Variants in EXOC6B observed in about 807,000 individuals in gnomAD.
EXOC6B encodes exocyst complex component 6B, also known as SEC15 homolog B.
A neutral mutation model predicts 113.5 loss-of-function variants in EXOC6B; 54 were observed. That is an observed-to-expected ratio of 0.48 (90% CI 0.38 to 0.60). EXOC6B has a LOEUF of 0.60. EXOC6B is among the 20% of genes least tolerant of loss of function. The probability of loss-of-function intolerance (pLI) is 0.00; values close to 1 mark genes in which losing one functional copy is unlikely to be tolerated. For missense variants in EXOC6B, 797 were observed against 977.5 expected, an observed-to-expected ratio of 0.82 and a Z score of 2.46; for synonymous variants, 357 against 339.0, an observed-to-expected ratio of 1.05 and a Z score of -0.58.
At chr2:72,454,325 G>A (rs1297980267) in intron 18 of EXOC6B, among the ~76,000 whole-genome samples, 1 of 152,060 alleles carries the variant, frequency 6.6e-6, no homozygotes, top group African/African-American at 2.4e-5. Flanking sequence ...GCAACATAGT[G>A]AGACCCCATC....
Position 72,194,610 on chromosome 2 carries a change from T to TGG in EXOC6B, c.2197-10424_2197-10423insCC, listed in dbSNP as rs1679051632. On this transcript the variant is annotated intron_variant, in intron 20 of 21. Coordinates refer to ENST00000272427, the MANE Select transcript of EXOC6B (RefSeq NM_015189.3). ...CTCTCTCTCTCTCTGTGTGTGTGTGTGCATATGTGTGTGTGCACAACTCAG... is the reference window on the plus strand; with the variant it reads ...CTCTCTCTCTCTCTGTGTGTGTGTGTGGGCATATGTGTGTGTGCACAACTCAG... 2.0e-5 allele frequency among the ~76,000 whole-genome samples: 3 copies of TGG among 152,054 alleles called. No individual in the cohort carries two copies. In the South Asian group the frequency reaches 6.2e-4, roughly 32 times the overall value.
intron 6 of EXOC6B, among the ~76,000 whole-genome samples, chr2:72,694,717 T>C (rs1393752840): frequency 1.3e-5 from 2 of 152,200 alleles, no homozygotes; most frequent in Non-Finnish European, 2.9e-5. Context: ...TAAAGAATCT[T>C]GCATGTTCCA....
chr2:72,754,615 T>C (rs565659807), intron 1 of EXOC6B, among the ~76,000 whole-genome samples: 1 of 151,092 alleles, frequency 6.6e-6, no homozygotes, highest in Admixed American at 6.6e-5. Context: ...CTTTTTTTTT[T>C]CTTTTTTTTT....
chr2:72,514,038 T>A (rs192000229), intron 10 of EXOC6B, among the ~76,000 whole-genome samples: 3 of 152,290 alleles, frequency 2.0e-5, no homozygotes, highest in Admixed American at 2.0e-4. Context: ...ATTGGGATGT[T>A]TATTTGGGAA....
At chr2:72,441,885 C>T (rs1365828840) in intron 18 of EXOC6B, among the ~76,000 whole-genome samples, 3 of 152,240 alleles carry the variant, frequency 2.0e-5, no homozygotes, top group African/African-American at 7.2e-5. Flanking sequence ...GGAAAGACTC[C>T]TCCCTAATGC....
intron 20 of EXOC6B, among the ~76,000 whole-genome samples, chr2:72,251,024 C>T (rs1304515419): frequency 7.4e-6 from 1 of 134,592 alleles, no homozygotes; most frequent in African/African-American, 2.6e-5. Context: ...GACGGGGTCT[C>T]ACTATGTTGC....
At chr2:72,204,148 A>G (rs1036169361) in intron 20 of EXOC6B, among the ~76,000 whole-genome samples, 4 of 152,040 alleles carry the variant, frequency 2.6e-5, no homozygotes, top group Admixed American at 6.5e-5. Context: ...GGCCTTGTCC[A>G]TTTTTGTCTT....
chr2:72,414,558 G>A (rs1350134951), intron 18 of EXOC6B, among the ~76,000 whole-genome samples: 1 of 152,210 alleles, frequency 6.6e-6, no homozygotes, highest in Non-Finnish European at 1.5e-5. Context: ...GGCCCTCTGT[G>A]CAGGGATCTT....
At chr2:72,762,166 C>A (rs1354492085) in intron 1 of EXOC6B, among the ~76,000 whole-genome samples, 1 of 150,590 alleles carries the variant, frequency 6.6e-6, no homozygotes, top group Non-Finnish European at 1.5e-5. Flanking sequence ...ATCACTTTAA[C>A]TGGGGAAGCA....
chr2:72,547,465 G>A (rs1702974730), intron 8 of EXOC6B, among the ~76,000 whole-genome samples: 1 of 152,172 alleles, frequency 6.6e-6, no homozygotes, highest in African/African-American at 2.4e-5. Flanking sequence ...ATGAGAAGAT[G>A]ATGTACATAG....
At chr2:72,222,709 G>GA (rs1196707521) in intron 20 of EXOC6B, among the ~76,000 whole-genome samples, 1 of 151,960 alleles carries the variant, frequency 6.6e-6, no homozygotes, top group African/African-American at 2.4e-5. Context: ...GGGCTACATG[G>GA]GTCATTTTTG....
chr2:72,439,589 A>G (rs1696073700), intron 18 of EXOC6B, among the ~76,000 whole-genome samples: 1 of 152,156 alleles, frequency 6.6e-6, no homozygotes, highest in African/African-American at 2.4e-5. Context: ...ATTCTTCTCT[A>G]TACTGGCAAT....
intron 20 of EXOC6B, among the ~76,000 whole-genome samples, chr2:72,332,390 T>TA (rs1688463582): frequency 1.3e-5 from 2 of 152,082 alleles, no homozygotes; most frequent in Middle Eastern, 3.4e-3. Context: ...ATCAACCCTG[T>TA]AAGGACTAGA....
intron 6 of EXOC6B, among the ~76,000 whole-genome samples, chr2:72,678,475 G>A (rs1053635019): frequency 4.6e-5 from 7 of 152,204 alleles, no homozygotes; most frequent in African/African-American, 1.7e-4. Flanking sequence ...AGGAAGCCAA[G>A]GTGAGCGGAT....
intron 6 of EXOC6B, among the ~76,000 whole-genome samples, chr2:72,661,904 T>C (rs544946565): frequency 6.9e-4 from 105 of 151,980 alleles, no homozygotes; most frequent in Admixed American, 2.1e-3. Flanking sequence ...ATTGCAAAAA[T>C]AGATTCACAC....
chr2:72,263,026 G>C (rs1348406964), intron 20 of EXOC6B, among the ~76,000 whole-genome samples: 1 of 152,112 alleles, frequency 6.6e-6, no homozygotes. Flanking sequence ...AGTTGGGGGG[G>C]ACAATTTAGA....
At chr2:72,268,016 T>A (rs578218715) in intron 20 of EXOC6B, among the ~76,000 whole-genome samples, 1 of 152,188 alleles carries the variant, frequency 6.6e-6, no homozygotes, top group Non-Finnish European at 1.5e-5. Flanking sequence ...AATGGGAACA[T>A]CTTGAATGTT....
intron 21 of EXOC6B, among the ~76,000 whole-genome samples, chr2:72,181,410 T>C (rs1017356434): frequency 2.6e-5 from 4 of 152,286 alleles, no homozygotes; most frequent in African/African-American, 9.6e-5. Flanking sequence ...TGATAATTAC[T>C]GTATTTGTTC....
At chr2:72,642,358 A>G (rs1461348339) in intron 6 of EXOC6B, among the ~76,000 whole-genome samples, 7 of 140,682 alleles carry the variant, frequency 5.0e-5, no homozygotes, top group East Asian at 2.0e-4. Context: ...ACCTGACTTC[A>G]AACTATACTA....
Sources: allele counts gnomAD v4.1 joint callset (sites outside exome capture counted in the v4.1 genomes callset), GRCh38; gene constraint gnomAD v4.1.1; transcripts MANE v1.5; gene names NCBI Gene and HGNC (gene_info 2026-07-23, HGNC 2026-07-21).